CNTNAP3B: variants seen among roughly 807,000 people sequenced by gnomAD.
The protein encoded by CNTNAP3B is contactin associated protein family member 3B.
Under a neutral mutation model 108.9 loss-of-function variants are expected in CNTNAP3B, and 25 were observed. The observed-to-expected ratio is 0.23, with a 90% CI of 0.17 to 0.32. The LOEUF is 0.32. Ranked by LOEUF, CNTNAP3B falls within the 10% of genes least tolerant of loss-of-function variation. The pLI is 1.00. For synonymous variants in CNTNAP3B, 103 were observed against 473.4 expected (o/e 0.22, Z 10.16); for missense variants, 252 against 1,210.4 (o/e 0.21, Z 11.75).
chr9:41,967,590 C>T (rs931003240), intron 10 of CNTNAP3B, among the ~76,000 whole-genome samples: 4 of 152,402 alleles, frequency 2.6e-5, no homozygotes, highest in African/African-American at 7.2e-5. Flanking sequence ...TGCTTACAGG[C>T]CTGTTTTCAG....
chr9:41,920,829 A>G (rs1465885575), intron 17 of CNTNAP3B, among the ~76,000 whole-genome samples: 37 of 152,276 alleles, frequency 2.4e-4, no homozygotes, highest in African/African-American at 8.2e-4. Context: ...TGGATAAGCA[A>G]AGGAGGGGAA....
chr9:41,941,344 T>A, intron 13 of CNTNAP3B, among the ~76,000 whole-genome samples: 3 of 133,530 alleles, frequency 2.2e-5, no homozygotes, highest in African/African-American at 5.6e-5. Flanking sequence ...AGGTTAAAAG[T>A]AAAAGGATGG....
intron 3 of CNTNAP3B, among the ~76,000 whole-genome samples, chr9:42,028,833 G>T (rs868418314): frequency 0.12 from 14,805 of 119,510 alleles, 248 homozygotes; most frequent in Middle Eastern, 0.2. Flanking sequence ...ATAGAATCCA[G>T]CCATATACAT....
At position 42,094,115 on chromosome 9, in the gene CNTNAP3B, C is replaced by T. The variant is rs1827851585; in HGVS notation, c.196+10514G>A. Among the ~76,000 whole-genome samples, 2 of 137,944 alleles carry T rather than the reference C, an allele frequency of 1.4e-5. 1 individual carries two copies. The highest frequency in any genetic ancestry group is 5.8e-5 in the African/African-American group (2 of 34,654). 90.5% of individuals were successfully genotyped at this position (137,944 alleles called of 152,430 possible). A position where few individuals can be genotyped will look rare whatever the true frequency, so the allele number is the denominator to read the frequency against. ...TAATCACTAAGGATAAGATAGCACCCTTCCTTCAAGGAAGTTAGAATTGCA... is the reference window on the plus strand; with the variant it reads ...TAATCACTAAGGATAAGATAGCACCTTTCCTTCAAGGAAGTTAGAATTGCA... On this transcript the variant is annotated intron_variant, in intron 2 of 23. Coordinates refer to ENST00000377561, the MANE Select transcript of CNTNAP3B (RefSeq NM_001201380.3).
intron 9 of CNTNAP3B, chr9:41,980,717 A>G (rs1358704221): frequency 6.8e-6 from 1 of 147,852 alleles, no homozygotes; most frequent in Non-Finnish European, 1.5e-5. Flanking sequence ...AACCCTCAAC[A>G]AATGAGGCAT....
Position 42,113,882 on chromosome 9 carries a change from CT to C in CNTNAP3B, c.86-9144del, listed in dbSNP as rs1218902091. Reference sequence around the variant, plus strand: ...GATGCACTTATTTCACATTGCATGCCTGTATCAAAACATCTCATGTAGACCA... The same window carrying C: ...GATGCACTTATTTCACATTGCATGCCGTATCAAAACATCTCATGTAGACCA... On this transcript the variant is annotated intron_variant, in intron 1 of 23. Coordinates refer to ENST00000377561, the MANE Select transcript of CNTNAP3B (RefSeq NM_001201380.3). 2.5e-4 allele frequency among the ~76,000 whole-genome samples: 35 copies of C among 139,020 alleles called. 10 individuals carry two copies. The highest frequency in any genetic ancestry group is 9.4e-4 in the African/African-American group (33 of 35,056). 91.2% of individuals were successfully genotyped at this position (139,020 alleles called of 152,430 possible). A position where few individuals can be genotyped will look rare whatever the true frequency, so the allele number is the denominator to read the frequency against.
rs1259326724 is a variant in CNTNAP3B, at chr9:42,055,006, G to T, written c.390+21863C>A. Among the ~76,000 whole-genome samples, 3 of 142,456 alleles carry T rather than the reference G, an allele frequency of 2.1e-5. No individual in the cohort carries two copies. In the East Asian group the frequency reaches 6.2e-4, roughly 29 times the overall value. 93.5% of individuals were successfully genotyped at this position (142,456 alleles called of 152,430 possible). A position where few individuals can be genotyped will look rare whatever the true frequency, so the allele number is the denominator to read the frequency against. ...CCCTTCACTCTCACATCAAGATAAGGTCTTGATGTTCACTTTCAGGTTTTA... is the reference window on the plus strand; with the variant it reads ...CCCTTCACTCTCACATCAAGATAAGTTCTTGATGTTCACTTTCAGGTTTTA... On this transcript the variant is annotated intron_variant, in intron 3 of 23. Transcript: ENST00000377561.
intron 15 of CNTNAP3B, among the ~76,000 whole-genome samples, chr9:41,925,201 T>G (rs1319026393): frequency 6.7e-6 from 1 of 148,486 alleles, no homozygotes; most frequent in Non-Finnish European, 1.5e-5. Context: ...AATATATTGA[T>G]GGCTCCTGAT....
rs1467074050 is a variant in CNTNAP3B, at chr9:41,934,659, A to G, written c.2237+3585T>C. 2.0e-5 allele frequency among the ~76,000 whole-genome samples: 3 copies of G among 152,294 alleles called. No individual in the cohort carries two copies. The East Asian group carries it at 5.8e-4, about 29-fold the overall frequency. On this transcript the variant is annotated intron_variant, in intron 14 of 23. Coordinates refer to ENST00000377561, the MANE Select transcript of CNTNAP3B (RefSeq NM_001201380.3). ...CATCTTTGTCTGACATAATACAGCT[A>G]TATCTGCTTTCTTTTGATTTGTATT...
intron 12 of CNTNAP3B, among the ~76,000 whole-genome samples, chr9:41,958,469 T>C (rs1174697885): frequency 6.6e-6 from 1 of 151,284 alleles, no homozygotes; most frequent in Non-Finnish European, 1.5e-5. Context: ...ATGTACCAGG[T>C]AAAAGTAACT....
chr9:41,940,680 C>T (rs1483766257), intron 13 of CNTNAP3B, among the ~76,000 whole-genome samples: 105 of 151,108 alleles, frequency 6.9e-4, no homozygotes, highest in African/African-American at 2.0e-3. Context: ...ACGAGCGTAG[C>T]GGCGGGAGCC....
intron 3 of CNTNAP3B, among the ~76,000 whole-genome samples, chr9:42,063,490 T>C (rs1446835044): frequency 7.5e-6 from 1 of 133,930 alleles, no homozygotes; most frequent in Non-Finnish European, 1.6e-5. Flanking sequence ...CAGAATACTC[T>C]TTTTGTCCTT....
intron 13 of CNTNAP3B, among the ~76,000 whole-genome samples, chr9:41,948,369 G>A (rs1336505159): frequency 6.6e-6 from 1 of 152,252 alleles, no homozygotes; most frequent in African/African-American, 2.4e-5. Context: ...TGGGATCACA[G>A]AGCCACCCTG....
intron 13 of CNTNAP3B, among the ~76,000 whole-genome samples, chr9:41,940,961 A>AG (rs1564151227): frequency 6.6e-6 from 1 of 152,290 alleles, no homozygotes; most frequent in Admixed American, 6.5e-5. Flanking sequence ...CAGGAAAAAA[A>AG]TGAAAAGAGA....
chr9:41,944,797 C>T (rs1824474812), intron 13 of CNTNAP3B, among the ~76,000 whole-genome samples: 2 of 152,412 alleles, frequency 1.3e-5, no homozygotes, highest in Admixed American at 1.3e-4. Flanking sequence ...AGAGCTTCTG[C>T]ACAGCAAAAG....
At chr9:41,925,484 T>C (rs1271156333) in intron 15 of CNTNAP3B, among the ~76,000 whole-genome samples, 9 of 152,202 alleles carry the variant, frequency 5.9e-5, no homozygotes, top group Non-Finnish European at 1.3e-4. Flanking sequence ...TCCCAGCTAG[T>C]CGGGAGGCTG....
rs1206074463 is a variant in CNTNAP3B at position 42,066,520 on chromosome 9, G to A, written c.390+10349C>T. 1.6e-4 allele frequency among the ~76,000 whole-genome samples: 19 copies of A among 116,760 alleles called. 2 individuals are homozygous for A. Among genetic ancestry groups the A allele is most frequent in the Non-Finnish European group, 2.3e-4 (13 of 57,312 alleles). 76.6% of individuals were successfully genotyped at this position (116,760 alleles called of 152,430 possible). A position where few individuals can be genotyped will look rare whatever the true frequency, so the allele number is the denominator to read the frequency against. ...CGGCTCACCACAACCTCTGCCTCCC[G>A]GGTTCAAGTGATTCTCCTGACTCAG... is the stretch of plus-strand genomic sequence containing the variant. On this transcript the variant is annotated intron_variant, in intron 3 of 23. Transcript: ENST00000377561.
chr9:41,966,750 G>A (rs865908033), intron 10 of CNTNAP3B, among the ~76,000 whole-genome samples: 37 of 152,248 alleles, frequency 2.4e-4, no homozygotes, highest in Admixed American at 6.5e-4. Flanking sequence ...GGTGGATCAC[G>A]AGGTCAGGAG....
intron 15 of CNTNAP3B, among the ~76,000 whole-genome samples, chr9:41,927,809 T>C: frequency 6.6e-6 from 1 of 151,986 alleles, no homozygotes. Flanking sequence ...TGATAACAAA[T>C]TACTGACATT....
Sources: allele counts gnomAD v4.1 joint callset (sites outside exome capture counted in the v4.1 genomes callset), GRCh38; gene constraint gnomAD v4.1.1; transcripts MANE v1.5; gene names NCBI Gene and HGNC (gene_info 2026-07-23, HGNC 2026-07-21).